Variants in GRM5 observed in about 807,000 individuals in gnomAD.
The protein encoded by GRM5 is metabotropic glutamate receptor 5.
A neutral mutation model predicts 83.1 loss-of-function variants in GRM5; 19 were observed. The observed-to-expected ratio is 0.23, with a 90% confidence interval of 0.16 to 0.34. GRM5 has a LOEUF of 0.34. GRM5 is among the 10% of genes least tolerant of loss of function. The pLI, the probability that GRM5 is intolerant of heterozygous loss-of-function variation, is 1.00. For missense variants in GRM5, 1,160 were observed against 1,588.3 expected (o/e 0.73, Z 4.58); for synonymous variants, 675 against 633.6 (o/e 1.07, Z -0.98).
chr11:88,755,115 C>A (rs1942370031), intron 3 of GRM5, among the ~76,000 whole-genome samples: 1 of 152,202 alleles, frequency 6.6e-6, no homozygotes, highest in Non-Finnish European at 1.5e-5. Context: ...GATTAACAAT[C>A]CTTATAAGAA....
chr11:88,909,832 A>G (rs1265907729), intron 2 of GRM5, among the ~76,000 whole-genome samples: 1 of 152,082 alleles, frequency 6.6e-6, no homozygotes, highest in Non-Finnish European at 1.5e-5. Context: ...TACTGCAATA[A>G]TAGTCATTTT....
At chr11:88,773,220 A>G (rs1942777584) in intron 3 of GRM5, among the ~76,000 whole-genome samples, 1 of 152,038 alleles carries the variant, frequency 6.6e-6, no homozygotes, top group Admixed American at 6.6e-5. Flanking sequence ...GCATTTTTTC[A>G]TGTGTCTGTT....
chr11:88,734,230 A>G (rs572552907), intron 3 of GRM5, among the ~76,000 whole-genome samples: 17 of 152,166 alleles, frequency 1.1e-4, no homozygotes, highest in African/African-American at 4.1e-4. Context: ...GCCAATAGGT[A>G]TATGAAAGGA....
At chr11:88,773,465 A>G (rs1007225338) in intron 3 of GRM5, among the ~76,000 whole-genome samples, 5 of 152,000 alleles carry the variant, frequency 3.3e-5, no homozygotes, top group African/African-American at 1.2e-4. Context: ...ATTAGATGCC[A>G]TTTGTCTATT....
At chr11:88,803,943 C>T (rs554826112) in intron 3 of GRM5, among the ~76,000 whole-genome samples, 53 of 152,096 alleles carry the variant, frequency 3.5e-4, no homozygotes, top group African/African-American at 1.2e-3. Context: ...AAATGCTCAC[C>T]ATCACTGGCC....
chr11:89,049,478 G>A (rs549966741), intron 1 of GRM5, among the ~76,000 whole-genome samples: 1 of 152,234 alleles, frequency 6.6e-6, no homozygotes, highest in Admixed American at 6.5e-5. Context: ...TCAAATACAG[G>A]TGATGTTTCT....
At chr11:89,000,012 C>G (rs991381261) in intron 2 of GRM5, among the ~76,000 whole-genome samples, 1 of 152,064 alleles carries the variant, frequency 6.6e-6, no homozygotes, top group African/African-American at 2.4e-5. Flanking sequence ...ACTGCATGTT[C>G]TCATTCACAG....
chr11:88,868,524 G>T (rs539438644), intron 2 of GRM5, among the ~76,000 whole-genome samples: 3 of 151,700 alleles, frequency 2.0e-5, no homozygotes, highest in African/African-American at 7.2e-5. Flanking sequence ...TTCTTATTTT[G>T]CTACTAACTT....
chr11:88,566,927 C>T (rs929648917), intron 8 of GRM5, 126 bp downstream of exon 8: 2 of 633,770 alleles, frequency 3.2e-6, no homozygotes, highest in East Asian at 2.7e-5. Flanking sequence ...AAGGTCCATG[C>T]CGTAAGTCAC....
intron 3 of GRM5, among the ~76,000 whole-genome samples, chr11:88,848,429 A>T (rs1944333749): frequency 6.6e-6 from 1 of 152,184 alleles, no homozygotes; most frequent in South Asian, 2.1e-4. Flanking sequence ...AGCATTTGGA[A>T]AATGAAGGAA....
At chr11:88,671,887 A>G (rs904260278) in intron 3 of GRM5, among the ~76,000 whole-genome samples, 1 of 152,072 alleles carries the variant, frequency 6.6e-6, no homozygotes, top group Non-Finnish European at 1.5e-5. Flanking sequence ...TGCAAATTCA[A>G]TGTACTACAC....
At chr11:88,654,981 C>T (rs2135308922) in intron 3 of GRM5, among the ~76,000 whole-genome samples, 1 of 151,878 alleles carries the variant, frequency 6.6e-6, no homozygotes, top group Admixed American at 6.6e-5. Flanking sequence ...ATCATAAGGG[C>T]TTGAGATGAC....
chr11:88,914,416 G>T (rs1945555478), intron 2 of GRM5, among the ~76,000 whole-genome samples: 1 of 152,278 alleles, frequency 6.6e-6, no homozygotes, highest in African/African-American at 2.4e-5. Flanking sequence ...AGAGATCAAA[G>T]ATATAAACCA....
chr11:88,734,272 A>G (rs1170581224), intron 3 of GRM5, among the ~76,000 whole-genome samples: 1 of 152,014 alleles, frequency 6.6e-6, no homozygotes, highest in Admixed American at 6.6e-5. Context: ...GAGTGATGCA[A>G]ATCAAAACTA....
At position 88,509,169 on chromosome 11, in the gene GRM5, G is replaced by A; in HGVS notation, c.3062C>T (p.Pro1021Leu). ...PAPARPRSPSPISTLSHRAGS... is the reference protein window; with the variant it reads ...PAPARPRSPSLISTLSHRAGS... ...CGCGCGGTGGCTCAGCGTGCTGATG[G>A]GCGACGGTGAGCGCGGCCGCGCGGG... The change falls in exon 10 of 10, where the codon CCC becomes CTC. Residue 1021 changes from proline (P) to leucine (L), a missense_variant. By Grantham distance (98) the Pro-to-Leu change is moderately conservative (BLOSUM62 -3). Around this residue, in one of 9 missense-constraint regions of GRM5, gnomAD observed 562 missense variants for 532.4 expected, o/e 1.06. Transcript: ENST00000305447. The A allele has an allele frequency of 6.5e-7, 1 of 1,537,250 alleles. No individual in the cohort carries two copies. Among genetic ancestry groups the A allele is most frequent in the Non-Finnish European group, 8.7e-7 (1 of 1,143,800 alleles).
At chr11:88,645,173 T>C (rs1939405787) in intron 4 of GRM5, among the ~76,000 whole-genome samples, 1 of 152,102 alleles carries the variant, frequency 6.6e-6, no homozygotes, top group African/African-American at 2.4e-5. Context: ...AACAGTAGTT[T>C]GGTACACATA....
At chr11:89,044,053 G>T (rs1264035844) in intron 2 of GRM5, among the ~76,000 whole-genome samples, 2 of 152,172 alleles carry the variant, frequency 1.3e-5, no homozygotes, top group Non-Finnish European at 2.9e-5. Context: ...AATGCAATCT[G>T]CCACACTGCT....
intron 7 of GRM5, among the ~76,000 whole-genome samples, chr11:88,586,565 T>C (rs11020528): frequency 0.013 from 2,028 of 152,282 alleles, 22 homozygotes; most frequent in East Asian, 0.043. Flanking sequence ...GCTTGCAATA[T>C]TTCCTAAAAC....
chr11:89,025,302 G>C (rs1390146183), intron 2 of GRM5, among the ~76,000 whole-genome samples: 2 of 152,082 alleles, frequency 1.3e-5, no homozygotes, highest in Non-Finnish European at 2.9e-5. Flanking sequence ...TGGCTCAGAT[G>C]GACAGCAAAC....
Sources: allele counts gnomAD v4.1 joint callset (sites outside exome capture counted in the v4.1 genomes callset), GRCh38; gene constraint gnomAD v4.1.1; regional missense constraint gnomAD v4.1.1; transcripts MANE v1.5; gene names NCBI Gene and HGNC (gene_info 2026-07-23, HGNC 2026-07-21).